The following CMTM8 variants were observed in gnomAD, a reference collection of about 807,000 sequenced individuals.
CMTM8 encodes CKLF-like MARVEL transmembrane domain-containing protein 8.
CMTM8 carries 12 observed loss-of-function variants against 18.6 expected under a neutral mutation model. That is an observed-to-expected ratio of 0.65 (90% CI 0.41 to 1.05). CMTM8 has a LOEUF of 1.05. Ranked by LOEUF, CMTM8 falls within the 50% of genes least tolerant of loss-of-function variation. The pLI is 0.00. For missense variants in CMTM8, 217 were observed against 227.2 expected (o/e 0.95, Z 0.29); for synonymous variants, 87 against 90.6 (o/e 0.96, Z 0.23).
At chr3:32,252,186 C>G (rs1194051149) in intron 1 of CMTM8, among the ~76,000 whole-genome samples, 1 of 152,158 alleles carries the variant, frequency 6.6e-6, no homozygotes, top group Non-Finnish European at 1.5e-5. Flanking sequence ...AGTGGATATC[C>G]AGTTGCATCA....
At chr3:32,294,097 A>G (rs1702831071) in intron 1 of CMTM8, among the ~76,000 whole-genome samples, 1 of 152,180 alleles carries the variant, frequency 6.6e-6, no homozygotes, top group African/African-American at 2.4e-5. Context: ...CCACAGCCTC[A>G]CCAACAGGAT....
intron 1 of CMTM8, among the ~76,000 whole-genome samples, chr3:32,283,372 A>G (rs1053444259): frequency 5.3e-5 from 8 of 152,180 alleles, no homozygotes; most frequent in African/African-American, 1.9e-4. Flanking sequence ...TTGGGGGAAG[A>G]GTCATTTGAG....
chr3:32,269,516 C>A (rs1413947224), intron 1 of CMTM8, among the ~76,000 whole-genome samples: 1 of 152,148 alleles, frequency 6.6e-6, no homozygotes, highest in African/African-American at 2.4e-5. Flanking sequence ...AGGTGGAAGA[C>A]CAAAGCTCAG....
chr3:32,267,465 G>A (rs973025169), intron 1 of CMTM8, among the ~76,000 whole-genome samples: 9 of 152,146 alleles, frequency 5.9e-5, no homozygotes, highest in Non-Finnish European at 1.2e-4. Flanking sequence ...ATGGATTAAA[G>A]ACTTAAATGT....
intron 1 of CMTM8, among the ~76,000 whole-genome samples, 191 bp downstream of exon 1, chr3:32,239,310 A>G (rs533398080): frequency 6.6e-6 from 1 of 152,134 alleles, no homozygotes; most frequent in South Asian, 2.1e-4. Context: ...TGTCCTGGGA[A>G]GAAAGGGTTG....
chr3:32,367,835 C>A, intron 2 of CMTM8, 37 bp from the exon 3 acceptor site: 2 of 1,421,874 alleles, frequency 1.4e-6, no homozygotes, highest in Non-Finnish European at 2.0e-6. Context: ...GCAGACCCTC[C>A]CCTCTCCCTA....
intron 1 of CMTM8, among the ~76,000 whole-genome samples, chr3:32,269,615 A>G (rs939468504): frequency 1.3e-5 from 2 of 152,116 alleles, no homozygotes; most frequent in East Asian, 1.9e-4. Context: ...TTTGTTTCCA[A>G]TCTCCCAAGG....
chr3:32,290,940 G>A (rs1575162222), intron 1 of CMTM8, among the ~76,000 whole-genome samples: 1 of 152,134 alleles, frequency 6.6e-6, no homozygotes, highest in South Asian at 2.1e-4. Context: ...AAGACACGGG[G>A]TTTTGCCATG....
chr3:32,368,458 T>G (rs1697087806), intron 3 of CMTM8, among the ~76,000 whole-genome samples: 1 of 64,974 alleles, frequency 1.5e-5, no homozygotes. Context: ...AAACTTCTAT[T>G]TTTTTTTTTT....
Position 32,357,503 on chromosome 3 carries a change from C to G in CMTM8, c.278C>G (p.Thr93Arg). ...LTVFFLIIYI[T>R]MTYTRIPQVP... The stretch of plus-strand genomic sequence containing the variant: ...GTCTTCTTCCTCATTATCTACATAA[C>G]AATGACCTACACCAGGATTCCCCAG... The change falls in exon 2 of 4, where the codon ACA (threonine) becomes AGA (arginine). Residue 93 changes from threonine (T) to arginine (R), a missense_variant. Thr to Arg is a moderately conservative substitution (Grantham distance 71, BLOSUM62 -1). Coordinates refer to ENST00000307526, the MANE Select transcript of CMTM8 (RefSeq NM_178868.5). The G allele has an allele frequency of 6.2e-7, 1 of 1,614,098 alleles. No individual in the cohort carries two copies. The highest frequency in any genetic ancestry group is 1.3e-5 in the African/African-American group (1 of 75,018).
intron 1 of CMTM8, among the ~76,000 whole-genome samples, chr3:32,246,330 A>G (rs992036895): frequency 3.9e-5 from 6 of 152,148 alleles, no homozygotes; most frequent in African/African-American, 1.4e-4. Flanking sequence ...GGTTCTGGAC[A>G]TTCATTCCCC....
chr3:32,321,665 A>G (rs1696057065), intron 1 of CMTM8, among the ~76,000 whole-genome samples: 1 of 152,114 alleles, frequency 6.6e-6, no homozygotes, highest in South Asian at 2.1e-4. Context: ...TGGTGCAATC[A>G]TGGCTCACTG....
rs561811512 is a variant in CMTM8 at position 32,310,558 on chromosome 3, C to T, written c.148-46815C>T. 6.6e-5 allele frequency among the ~76,000 whole-genome samples: 10 copies of T among 152,224 alleles called. No homozygotes were observed. The East Asian group carries it at 9.7e-4, about 15-fold the overall frequency. On this transcript the variant is annotated intron_variant, in intron 1 of 3. Coordinates refer to ENST00000307526, the MANE Select transcript of CMTM8 (RefSeq NM_178868.5). ...CTCCTAGGGTTATTTTCCTGCAGCG[C>T]GAGGAAGAAATCATACTGCGAGGCT...
chr3:32,341,917 T>G (rs1277472712), intron 1 of CMTM8, among the ~76,000 whole-genome samples: 1 of 151,938 alleles, frequency 6.6e-6, no homozygotes, highest in African/African-American at 2.4e-5. Flanking sequence ...TAACTCACTG[T>G]GCCTTGGTTT....
Position 32,274,028 on chromosome 3 carries a change from A to G in CMTM8, c.147+34909A>G, listed in dbSNP as rs114293482. Among the ~76,000 whole-genome samples the G allele has an allele frequency of 6.2e-3, 950 of 152,224 alleles. 4 individuals carry two copies. The highest frequency in any genetic ancestry group is 0.01 in the Middle Eastern group (3 of 294). Reference sequence around the variant, plus strand: ...TCAGCAACATGTTTAAAAATGTTTTAGCTGGGCACGGTGGCTCACATCTGT... The same window carrying G: ...TCAGCAACATGTTTAAAAATGTTTTGGCTGGGCACGGTGGCTCACATCTGT... On this transcript the variant is annotated intron_variant, in intron 1 of 3. Coordinates refer to ENST00000307526, the MANE Select transcript of CMTM8 (RefSeq NM_178868.5).
rs1575148835 is a variant in CMTM8 at position 32,259,639 on chromosome 3, C to T, written c.147+20520C>T. The T allele has an allele frequency of 1.0e-5, 14 of 1,337,202 alleles. No homozygotes were observed. The East Asian group carries it at 1.6e-4, about 15-fold the overall frequency. The allele number at this position is 1,337,202 out of a possible 1,614,324, so 82.8% of individuals were successfully genotyped here. On this transcript the variant is annotated intron_variant, in intron 1 of 3. Transcript: ENST00000307526. ...CCCAGATTGCCAGCTCTGGGTTGACCGTGGAGGTAGATGCCCCCAAATCTC... is the reference window on the plus strand; with the variant it reads ...CCCAGATTGCCAGCTCTGGGTTGACTGTGGAGGTAGATGCCCCCAAATCTC...
chr3:32,304,281 GC>G (rs1695681833), intron 1 of CMTM8, among the ~76,000 whole-genome samples: 1 of 152,136 alleles, frequency 6.6e-6, no homozygotes, highest in African/African-American at 2.4e-5. Context: ...TTGGCAGGGG[GC>G]TGAAAATGGG....
chr3:32,243,429 G>A (rs1019755117), intron 1 of CMTM8, among the ~76,000 whole-genome samples: 1 of 151,290 alleles, frequency 6.6e-6, no homozygotes, highest in Non-Finnish European at 1.5e-5. Context: ...TACTCGGGAG[G>A]CTGAGGCAGA....
chr3:32,281,722 C>T (rs1702613151), intron 1 of CMTM8, among the ~76,000 whole-genome samples: 1 of 152,150 alleles, frequency 6.6e-6, no homozygotes, highest in African/African-American at 2.4e-5. Flanking sequence ...CCAAACAGCT[C>T]TTACCAAGGG....
Sources: gnomAD v4.1 joint callset for allele counts (sites outside exome capture counted in the v4.1 genomes callset) on GRCh38, gnomAD v4.1.1 for gene constraint, MANE v1.5 for transcripts, NCBI Gene and HGNC (gene_info 2026-07-23, HGNC 2026-07-21) for gene names.